The following MAGI2 variants were observed in gnomAD, a reference collection of about 807,000 sequenced individuals.
MAGI2 encodes membrane associated guanylate kinase, WW and PDZ domain containing 2.
Under a neutral mutation model 133.3 loss-of-function variants are expected in MAGI2, and 35 were observed. The ratio of observed to expected loss-of-function variants is 0.26; its 90% CI spans 0.20 to 0.35. MAGI2 has a LOEUF of 0.35. Ranked by LOEUF, MAGI2 falls within the 10% of genes least tolerant of loss-of-function variation. The pLI, the probability that MAGI2 is intolerant of heterozygous loss-of-function variation, is 1.00. For missense variants in MAGI2, 1,636 were observed against 1,863.4 expected, an observed-to-expected ratio of 0.88 and a Z score of 2.25; for synonymous variants, 729 against 710.6, an observed-to-expected ratio of 1.03 and a Z score of -0.41.
chr7:79,207,939 T>C (rs1395481460), intron 1 of MAGI2, among the ~76,000 whole-genome samples: 3 of 151,800 alleles, frequency 2.0e-5, no homozygotes, highest in African/African-American at 4.8e-5. Flanking sequence ...AAATGAGAAA[T>C]GCCAGTCTTT....
intron 2 of MAGI2, among the ~76,000 whole-genome samples, chr7:78,798,581 T>A (rs1018168656): frequency 6.6e-6 from 1 of 152,176 alleles, no homozygotes; most frequent in Non-Finnish European, 1.5e-5. Flanking sequence ...CATTCTTCTC[T>A]TTGAGATTGG....
At chr7:78,628,049 G>A (rs908542797) in intron 2 of MAGI2, among the ~76,000 whole-genome samples, 1 of 152,166 alleles carries the variant, frequency 6.6e-6, no homozygotes, top group African/African-American at 2.4e-5. Flanking sequence ...CGGCCAAGGT[G>A]GCAGGAGTAT....
At chr7:78,763,613 A>G (rs1242907344) in intron 2 of MAGI2, among the ~76,000 whole-genome samples, 2 of 152,202 alleles carry the variant, frequency 1.3e-5, no homozygotes, top group African/African-American at 4.8e-5. Flanking sequence ...CCAAAGCATG[A>G]TTATAGTAAC....
chr7:79,272,897 T>G (rs1458727336), intron 1 of MAGI2, among the ~76,000 whole-genome samples: 1 of 152,050 alleles, frequency 6.6e-6, no homozygotes, highest in African/African-American at 2.4e-5. Context: ...CCAGAAGATA[T>G]CTATCCATAT....
chr7:78,989,647 T>C (rs755832584), intron 2 of MAGI2, among the ~76,000 whole-genome samples: 7 of 152,070 alleles, frequency 4.6e-5, no homozygotes, highest in Non-Finnish European at 7.4e-5. Flanking sequence ...CGAGAGTTCA[T>C]ACCTATATAA....
intron 1 of MAGI2, among the ~76,000 whole-genome samples, chr7:79,257,161 TTATAA>T (rs1833749430): frequency 6.6e-6 from 1 of 152,124 alleles, no homozygotes; most frequent in Non-Finnish European, 1.5e-5. Flanking sequence ...TATCTATCAG[TTATAA>T]TAATAATAAT....
chr7:78,797,234 C>A (rs1242274566), intron 2 of MAGI2, among the ~76,000 whole-genome samples: 1 of 152,022 alleles, frequency 6.6e-6, no homozygotes, highest in African/African-American at 2.4e-5. Context: ...ATCAAAATAT[C>A]ATATGTACCC....
intron 14 of MAGI2, among the ~76,000 whole-genome samples, chr7:78,168,740 A>G (rs1008069547): frequency 1.3e-5 from 2 of 152,238 alleles, no homozygotes; most frequent in Non-Finnish European, 2.9e-5. Context: ...GCACTTAACG[A>G]GGGATCAAAA....
chr7:79,216,595 C>G (rs1205326764), intron 1 of MAGI2, among the ~76,000 whole-genome samples: 1 of 152,046 alleles, frequency 6.6e-6, no homozygotes, highest in Non-Finnish European at 1.5e-5. Context: ...AAAGCTTGCC[C>G]AGATCCTGCG....
chr7:78,643,793 G>T (rs1158569139), intron 2 of MAGI2, among the ~76,000 whole-genome samples: 1 of 152,006 alleles, frequency 6.6e-6, no homozygotes, highest in Non-Finnish European at 1.5e-5. Context: ...TATATATGAA[G>T]TGATGTATCA....
intron 2 of MAGI2, among the ~76,000 whole-genome samples, chr7:78,649,237 A>AAAAAAAAAAAAAAAAAAAAAG (rs1563294737): frequency 5.8e-4 from 38 of 65,452 alleles, no homozygotes; most frequent in African/African-American, 9.3e-4. Flanking sequence ...AAAAAAAAAG[A>AAAAAAAAAAAAAAAAAAAAAG]AAAAAAAAGA....
intron 9 of MAGI2, among the ~76,000 whole-genome samples, chr7:78,273,660 C>T (rs1349414375): frequency 6.6e-6 from 1 of 152,056 alleles, no homozygotes; most frequent in African/African-American, 2.4e-5. Context: ...CCCTAATCTT[C>T]TCTTCTCGCT....
At chr7:78,364,704 T>C (rs902324771) in intron 7 of MAGI2, among the ~76,000 whole-genome samples, 1 of 152,194 alleles carries the variant, frequency 6.6e-6, no homozygotes, top group Admixed American at 6.5e-5. Context: ...TTAAGCAAAT[T>C]GTGTAACTGC....
intron 10 of MAGI2, among the ~76,000 whole-genome samples, chr7:78,209,136 G>T (rs1320691520): frequency 1.1e-5 from 1 of 90,096 alleles, no homozygotes; most frequent in East Asian, 4.0e-4. Context: ...GCAGGAGAAT[G>T]GCGTGAACCC....
intron 2 of MAGI2, among the ~76,000 whole-genome samples, chr7:78,858,055 A>G (rs567229998): frequency 6.6e-6 from 1 of 152,154 alleles, no homozygotes; most frequent in Admixed American, 6.5e-5. Flanking sequence ...TGTTTATATT[A>G]TTCTCTGATG....
At chr7:78,261,500 T>TA in intron 9 of MAGI2, among the ~76,000 whole-genome samples, 1 of 152,298 alleles carries the variant, frequency 6.6e-6, no homozygotes, top group African/African-American at 2.4e-5. Context: ...CTACACTATA[T>TA]ACAGAGCATC....
intron 1 of MAGI2, among the ~76,000 whole-genome samples, chr7:79,028,853 A>G (rs1429750131): frequency 6.6e-6 from 1 of 152,164 alleles, no homozygotes; most frequent in Non-Finnish European, 1.5e-5. Context: ...TTGGTAATGA[A>G]AGGGGTTTTT....
intron 1 of MAGI2, among the ~76,000 whole-genome samples, chr7:79,402,701 C>G (rs1845550865): frequency 1.3e-5 from 2 of 152,150 alleles, no homozygotes; most frequent in Non-Finnish European, 2.9e-5. Context: ...GTGGCTCACA[C>G]CTGTAAACCT....
intron 1 of MAGI2, among the ~76,000 whole-genome samples, chr7:79,091,609 T>C (rs2129542579): frequency 6.6e-6 from 1 of 152,148 alleles, no homozygotes; most frequent in Non-Finnish European, 1.5e-5. Context: ...CACATCTTTC[T>C]TTAAAAAAAG....
Sources: allele counts gnomAD v4.1 joint callset (sites outside exome capture counted in the v4.1 genomes callset), GRCh38; gene constraint gnomAD v4.1.1; transcripts MANE v1.5; gene names NCBI Gene and HGNC (gene_info 2026-07-23, HGNC 2026-07-21).